Variants in CPXM2 observed in about 807,000 individuals in gnomAD.
CPXM2 encodes carboxypeptidase X, M14 family member 2.
In CPXM2, 66 loss-of-function variants were observed where a neutral mutation model predicts 86.1. The observed-to-expected ratio is 0.77, with a 90% CI of 0.63 to 0.94. The LOEUF (loss-of-function observed/expected upper bound fraction) is 0.94. Among genes scored for constraint, CPXM2 ranks in the 40% least tolerant of loss-of-function variants. The pLI, the probability that CPXM2 is intolerant of heterozygous loss-of-function variation, is 0.00. For missense variants in CPXM2, 948 were observed against 1,026.3 expected, an observed-to-expected ratio of 0.92 and a Z score of 1.04; for synonymous variants, 388 against 400.2, an observed-to-expected ratio of 0.97 and a Z score of 0.36.
At chr10:123,910,341 T>TCC (rs1439758955) in intron 2 of CPXM2, among the ~76,000 whole-genome samples, 5 of 152,210 alleles carry the variant, frequency 3.3e-5, no homozygotes, top group South Asian at 2.1e-4. Flanking sequence ...GGATTCTTTG[T>TCC]CAAATCAATG....
At chr10:123,867,855 T>C (rs113751363) in intron 2 of CPXM2, among the ~76,000 whole-genome samples, 13 of 152,240 alleles carry the variant, frequency 8.5e-5, no homozygotes, top group African/African-American at 2.4e-4. Context: ...TTTTGACAGG[T>C]CTACTCAATG....
In CPXM2 at chr10:123,746,968, G is replaced by A; in HGVS notation, c.2067C>T (p.Val689=). 6.2e-7 allele frequency: 1 copy of A among 1,614,140 alleles called. No homozygotes were observed. ...CAGTGAAACCTTCGGCCTTTGCTGT[G>A]ACCACATACTCTCCAGGGTTCAGGA... ...WRLLNPGEYV[V]TAKAEGFTAS... The change falls in exon 14 of 14, where the codon GTC becomes GTT. Residue 689 remains valine (V), a synonymous_variant. Transcript: ENST00000241305.
chr10:123,785,702 G>A (rs1227660648), intron 6 of CPXM2, among the ~76,000 whole-genome samples: 4 of 149,722 alleles, frequency 2.7e-5, no homozygotes, highest in Middle Eastern at 3.2e-3. Context: ...GCGCGATCTC[G>A]GCTCACTGCA....
At chr10:123,897,311 C>T (rs1265049950) in intron 2 of CPXM2, among the ~76,000 whole-genome samples, 1 of 152,142 alleles carries the variant, frequency 6.6e-6, no homozygotes, top group African/African-American at 2.4e-5. Context: ...TGCTGGGTCT[C>T]TGACTGATAT....
At chr10:123,884,904 G>C (rs1945157580) in intron 1 of CPXM2, among the ~76,000 whole-genome samples, 1 of 152,236 alleles carries the variant, frequency 6.6e-6, no homozygotes, top group African/African-American at 2.4e-5. Flanking sequence ...CCCCACTCTT[G>C]CCCTCTGTGC....
intron 13 of CPXM2, chr10:123,750,664 A>G (rs1846052408): frequency 1.0e-6 from 1 of 976,082 alleles, no homozygotes; most frequent in African/African-American, 1.8e-5. Flanking sequence ...TGCTCACCGC[A>G]GTATTTCTAG....
chr10:123,933,720 A>T (rs1161113859), intron 2 of CPXM2, among the ~76,000 whole-genome samples: 1 of 151,934 alleles, frequency 6.6e-6, no homozygotes. Context: ...CATGTCTCTG[A>T]AAACAACAAC....
chr10:123,837,985 T>C (rs986098021), intron 4 of CPXM2, among the ~76,000 whole-genome samples: 10 of 152,212 alleles, frequency 6.6e-5, no homozygotes, highest in African/African-American at 1.7e-4. Flanking sequence ...CTGAGTCTAG[T>C]AGACCCATGA....
At chr10:123,864,990 T>G (rs1452998296) in intron 2 of CPXM2, among the ~76,000 whole-genome samples, 1 of 152,208 alleles carries the variant, frequency 6.6e-6, no homozygotes, top group Non-Finnish European at 1.5e-5. Context: ...ATGCCTGCCC[T>G]CTCACGGGCT....
upstream of CPXM2, among the ~76,000 whole-genome samples, chr10:123,892,794 C>CG (rs1376333474): frequency 6.6e-6 from 1 of 152,194 alleles, no homozygotes; most frequent in African/African-American, 2.4e-5. Flanking sequence ...GTAGGACTGA[C>CG]GTGCAGTTCA....
chr10:123,873,805 T>C, intron 2 of CPXM2, among the ~76,000 whole-genome samples: 1 of 152,080 alleles, frequency 6.6e-6, no homozygotes. Context: ...TCTTAGTCTA[T>C]TCAAATTGCT....
intron 9 of CPXM2, among the ~76,000 whole-genome samples, chr10:123,768,030 A>G (rs1324892533): frequency 6.6e-6 from 1 of 152,278 alleles, no homozygotes; most frequent in Middle Eastern, 3.4e-3. Flanking sequence ...ATCATTCTCA[A>G]TGCCTGCTTT....
chr10:123,812,777 A>ATGC (rs1034751684), intron 4 of CPXM2, among the ~76,000 whole-genome samples: 1 of 152,188 alleles, frequency 6.6e-6, no homozygotes, highest in African/African-American at 2.4e-5. Context: ...TGAGAATCTA[A>ATGC]TGCGTGATGA....
chr10:123,836,162 C>G (rs1344080006), intron 4 of CPXM2, among the ~76,000 whole-genome samples: 1 of 152,122 alleles, frequency 6.6e-6, no homozygotes, highest in Non-Finnish European at 1.5e-5. Context: ...AGCCAGTCCT[C>G]AAGCCTCAAG....
At chr10:123,786,398 T>C (rs745634039) in intron 6 of CPXM2, among the ~76,000 whole-genome samples, 3 of 152,182 alleles carry the variant, frequency 2.0e-5, no homozygotes, top group Non-Finnish European at 2.9e-5. Flanking sequence ...ACAGAGGCCC[T>C]GCTTCCAGCT....
intron 6 of CPXM2, among the ~76,000 whole-genome samples, chr10:123,795,733 G>T (rs754376402): frequency 2.0e-5 from 3 of 152,070 alleles, no homozygotes; most frequent in Non-Finnish European, 4.4e-5. Flanking sequence ...TATTTGGGGG[G>T]TGGAAAATAG....
chr10:123,773,068 TC>T, intron 7 of CPXM2, among the ~76,000 whole-genome samples: 1 of 152,054 alleles, frequency 6.6e-6, no homozygotes. Context: ...GGTTATCACT[TC>T]CCTGATTGTG....
intron 11 of CPXM2, among the ~76,000 whole-genome samples, chr10:123,761,540 A>G (rs1273852280): frequency 6.6e-6 from 1 of 152,084 alleles, no homozygotes; most frequent in Non-Finnish European, 1.5e-5. Flanking sequence ...AATTTTACCC[A>G]TCTCTAACCC....
intron 9 of CPXM2, among the ~76,000 whole-genome samples, chr10:123,768,095 A>G (rs1846528028): frequency 6.6e-6 from 1 of 152,238 alleles, no homozygotes; most frequent in African/African-American, 2.4e-5. Context: ...ACTCAAAAAT[A>G]AAACTCGTGT....
Sources: allele counts gnomAD v4.1 joint callset (sites outside exome capture counted in the v4.1 genomes callset), GRCh38; gene constraint gnomAD v4.1.1; transcripts MANE v1.5; gene names NCBI Gene and HGNC (gene_info 2026-07-23, HGNC 2026-07-21).